The following LRCH2 variants were observed in gnomAD, a reference collection of about 807,000 sequenced individuals.
The protein encoded by LRCH2 is leucine-rich repeat and calponin homology domain-containing protein 2.
Under a neutral mutation model 68.9 loss-of-function variants are expected in LRCH2, and 38 were observed. That is an observed-to-expected ratio of 0.55 (90% CI 0.43 to 0.72). LRCH2 has a LOEUF of 0.72. LRCH2 is among the 30% of genes least tolerant of loss of function. LRCH2 has a pLI of 0.00. For synonymous variants in LRCH2, 191 were observed against 208.1 expected (o/e 0.92, Z 0.71); for missense variants, 528 against 572.9 (o/e 0.92, Z 0.80).
intron 11 of LRCH2, among the ~76,000 whole-genome samples, chrX:115,157,441 A>C (rs1248338329): frequency 1.8e-5 from 2 of 110,270 alleles, no homozygotes; most frequent in Middle Eastern, 4.6e-3. Context: ...ATATTGACTA[A>C]TAAAATACAT....
chrX:115,184,974 T>C (rs1034002385), intron 2 of LRCH2, among the ~76,000 whole-genome samples: 1 of 112,022 alleles, frequency 8.9e-6, no homozygotes, highest in Non-Finnish European at 1.9e-5. Flanking sequence ...ACTTCCATGC[T>C]AGGGAAAGTC....
chrX:115,187,017 A>G (rs1013001119), intron 2 of LRCH2, among the ~76,000 whole-genome samples: 1 of 110,561 alleles, frequency 9.0e-6, no homozygotes, highest in Admixed American at 9.6e-5. Flanking sequence ...ACAGGGTTTC[A>G]CCATGTTAGC....
chrX:115,116,194 C>T (rs184222489), intron 20 of LRCH2, among the ~76,000 whole-genome samples: 1 of 111,283 alleles, frequency 9.0e-6, no homozygotes, highest in Non-Finnish European at 1.9e-5. Flanking sequence ...CTAACAATTT[C>T]ACTGCTAGGT....
intron 14 of LRCH2, among the ~76,000 whole-genome samples, chrX:115,132,240 T>C (rs1013139529): frequency 8.9e-6 from 1 of 111,922 alleles, no homozygotes; most frequent in Non-Finnish European, 1.9e-5. Context: ...CTTTAGTCCA[T>C]CTTGAATTAA....
chrX:115,121,802 A>G (rs1353898697), intron 20 of LRCH2, among the ~76,000 whole-genome samples: 3 of 112,217 alleles, frequency 2.7e-5, no homozygotes, highest in Non-Finnish European at 5.6e-5. Context: ...AAGAGATTAA[A>G]GTGGGATCTG....
chrX:115,125,667 G>GTA (rs782715622), intron 16 of LRCH2, among the ~76,000 whole-genome samples: 6 of 83,526 alleles, frequency 7.2e-5, no homozygotes, highest in South Asian at 1.1e-3. Flanking sequence ...ATATATATAC[G>GTA]TATATATATA....
intron 14 of LRCH2, among the ~76,000 whole-genome samples, chrX:115,141,810 G>A (rs1359001337): frequency 1.9e-5 from 2 of 105,261 alleles, no homozygotes; most frequent in Non-Finnish European, 3.9e-5. Context: ...AGAGACAGAG[G>A]CTGCAGTGAG....
intron 5 of LRCH2, 27 bp from the exon 6 acceptor site, chrX:115,170,459 T>G (rs2147394216): frequency 9.8e-7 from 1 of 1,021,287 alleles, no homozygotes. Flanking sequence ...AAGATTTAAT[T>G]ATATAGTTCC....
At chrX:115,170,181 T>C (rs1198535237) in intron 6 of LRCH2, 118 bp downstream of exon 6, 2 of 647,345 alleles carry the variant, frequency 3.1e-6, no homozygotes, top group Non-Finnish European at 4.2e-6. Context: ...GCCAATTATT[T>C]ATTTTAGTGC....
At position 115,167,502 on chromosome X, in the gene LRCH2, T is replaced by C. The variant is rs1047466334; in HGVS notation, c.999-1160A>G. 6.4e-5 allele frequency among the ~76,000 whole-genome samples: 7 copies of C among 110,148 alleles called. No homozygotes were observed. The Admixed American group carries it at 6.9e-4, about 11-fold the overall frequency. ...TTAGGAAAGGCATCACTCAAGAATG[T>C]GGCATTTGAGCTTAGTCTTGTGGAT... is the stretch of plus-strand genomic sequence containing the variant. On this transcript the variant is annotated intron_variant, in intron 6 of 20. Coordinates refer to ENST00000317135, the MANE Select transcript of LRCH2 (RefSeq NM_020871.4).
intron 1 of LRCH2, among the ~76,000 whole-genome samples, chrX:115,193,258 T>C: frequency 8.9e-6 from 1 of 112,376 alleles, no homozygotes; most frequent in East Asian, 2.8e-4. Context: ...TCATCCAACC[T>C]AGATCCAAAT....
intron 2 of LRCH2, among the ~76,000 whole-genome samples, chrX:115,185,181 G>A (rs1328623253): frequency 8.9e-6 from 1 of 111,954 alleles, no homozygotes; most frequent in African/African-American, 3.2e-5. Flanking sequence ...AACATTTACT[G>A]AGTGCCTACT....
At chrX:115,120,878 G>A (rs1310564694) in intron 20 of LRCH2, among the ~76,000 whole-genome samples, 3 of 107,228 alleles carry the variant, frequency 2.8e-5, no homozygotes, top group African/African-American at 1.0e-4. Context: ...GTAGGGACAT[G>A]GATGAAACTG....
intron 12 of LRCH2, among the ~76,000 whole-genome samples, chrX:115,151,018 T>C (rs2072427593): frequency 9.0e-6 from 1 of 111,686 alleles, no homozygotes; most frequent in Admixed American, 9.5e-5. Context: ...AAAAGGTTCT[T>C]GGATAGATAA....
At chrX:115,153,652 A>G (rs905675209) in intron 12 of LRCH2, among the ~76,000 whole-genome samples, 14 of 111,447 alleles carry the variant, frequency 1.3e-4, no homozygotes, top group African/African-American at 3.6e-4. Context: ...AGGAAAAAAA[A>G]TAAGTATACT....
At chrX:115,130,311 A>G (rs1459478690) in intron 14 of LRCH2, 112 bp from the exon 15 acceptor site, 4 of 389,245 alleles carry the variant, frequency 1.0e-5, no homozygotes, top group Non-Finnish European at 1.8e-5. Context: ...ACATTACCTG[A>G]TAACAAATTT....
chrX:115,224,692 A>G (rs2073107573), intron 1 of LRCH2, among the ~76,000 whole-genome samples: 3 of 109,855 alleles, frequency 2.7e-5, no homozygotes, highest in Admixed American at 9.7e-5. Context: ...AAAAAAAAAA[A>G]AAAAGAAAAA....
chrX:115,140,106 C>T (rs1556533600), intron 14 of LRCH2, among the ~76,000 whole-genome samples: 1 of 111,328 alleles, frequency 9.0e-6, no homozygotes, highest in Non-Finnish European at 1.9e-5. Flanking sequence ...CCCTTCCTTT[C>T]ACTTGAGGAC....
chrX:115,121,308 T>C (rs930947146), intron 20 of LRCH2, among the ~76,000 whole-genome samples: 6 of 110,675 alleles, frequency 5.4e-5, no homozygotes, highest in East Asian at 2.8e-4. Context: ...CACTGAAAGA[T>C]TGAGAGTAGA....
Sources: gnomAD v4.1 joint callset for allele counts (sites outside exome capture counted in the v4.1 genomes callset) on GRCh38, gnomAD v4.1.1 for gene constraint, MANE v1.5 for transcripts, NCBI Gene and HGNC (gene_info 2026-07-23, HGNC 2026-07-21) for gene names.